MCM9: variants seen among roughly 807,000 people sequenced by gnomAD.
MCM9 encodes minichromosome maintenance 9 homologous recombination repair factor.
Under a neutral mutation model 72.8 loss-of-function variants are expected in MCM9, and 55 were observed. That is an observed-to-expected ratio of 0.76 (90% CI 0.61 to 0.95). The LOEUF (loss-of-function observed/expected upper bound fraction) is 0.95, where lower values mean the gene tolerates loss of function less well. MCM9 is among the 40% of genes least tolerant of loss of function. MCM9 has a pLI of 0.00. For missense variants in MCM9, 1,279 were observed against 1,377.0 expected (o/e 0.93, Z 1.13); for synonymous variants, 480 against 503.4 (o/e 0.95, Z 0.62).
At chr6:118,925,753 C>T (rs1049346289) in intron 3 of MCM9, among the ~76,000 whole-genome samples, 5 of 152,238 alleles carry the variant, frequency 3.3e-5, no homozygotes, top group East Asian at 1.9e-4. Flanking sequence ...ACACACTTTT[C>T]GTTCATATCC....
At position 118,933,964 on chromosome 6, in the gene MCM9, C is replaced by CAAAAAAAAAAAAAAAAAAAAAAAAA; in HGVS notation, c.-150+926_-150+927insTTTTTTTTTTTTTTTTTTTTTTTTT. Among the ~76,000 whole-genome samples the CAAAAAAAAAAAAAAAAAAAAAAAAA allele has an allele frequency of 2.0e-5, 2 of 100,304 alleles. 1 individual carries two copies. The highest frequency in any genetic ancestry group is 4.0e-5 in the Non-Finnish European group (2 of 50,540). The allele number at this position is 100,304 out of a possible 152,430, so 65.8% of individuals were successfully genotyped here. A position where few individuals can be genotyped will look rare whatever the true frequency, so the allele number is the denominator to read the frequency against. On this transcript the variant is annotated intron_variant, in intron 1 of 13. Coordinates refer to ENST00000619706, the MANE Select transcript of MCM9 (RefSeq NM_017696.3). Reference sequence around the variant, plus strand: ...ATATCTCCACAATGTGGACTTTGCCCAAAAAAAAAAAAAAAAAAATCTGGA... The same window carrying CAAAAAAAAAAAAAAAAAAAAAAAAA: ...ATATCTCCACAATGTGGACTTTGCCCAAAAAAAAAAAAAAAAAAAAAAAAAAAAAAAAAAAAAAAAAAAATCTGGA...
intron 8 of MCM9, chr6:118,908,105 A>C (rs1273167386): frequency 3.3e-5 from 5 of 153,694 alleles, no homozygotes; most frequent in African/African-American, 1.2e-4. Context: ...TTTGAAATCA[A>C]CTATATGCTA....
Position 118,919,561 on chromosome 6 carries a change from T to C in MCM9, c.704-1800A>G, listed in dbSNP as rs959266043. ...TAATACCTTTAAAAGCCCTTCAATATATACGTGTTTTCTTTACTCAAATAA... is the reference window on the plus strand; with the variant it reads ...TAATACCTTTAAAAGCCCTTCAATACATACGTGTTTTCTTTACTCAAATAA... On this transcript the variant is annotated intron_variant, in intron 5 of 13. Coordinates refer to ENST00000619706, the MANE Select transcript of MCM9 (RefSeq NM_017696.3). 5 of 152,214 alleles carry C rather than the reference T, an allele frequency of 3.3e-5. No individual in the cohort carries two copies. The East Asian group carries it at 7.7e-4, about 23-fold the overall frequency. The allele number at this position is 152,214 out of a possible 1,614,324, so 9.4% of individuals were successfully genotyped here.
intron 8 of MCM9, chr6:118,910,617 T>G: frequency 1.0e-6 from 1 of 985,132 alleles, no homozygotes. Context: ...AGCATCTTTA[T>G]TTGTTGTTGG....
At chr6:118,871,259 C>T (rs1171029039) in intron 8 of MCM9, among the ~76,000 whole-genome samples, 1 of 152,154 alleles carries the variant, frequency 6.6e-6, no homozygotes, top group African/African-American at 2.4e-5. Flanking sequence ...TTCAACAATA[C>T]ACTGAAAGAA....
intron 8 of MCM9, among the ~76,000 whole-genome samples, chr6:118,904,403 G>A (rs773502527): frequency 2.0e-5 from 3 of 152,146 alleles, no homozygotes; most frequent in East Asian, 1.9e-4. Context: ...GCTCATCTAG[G>A]CCCAGGAATA....
chr6:118,820,249 G>A (rs1562397979), intron 13 of MCM9, among the ~76,000 whole-genome samples: 1 of 152,156 alleles, frequency 6.6e-6, no homozygotes, highest in Non-Finnish European at 1.5e-5. Context: ...TCTTTCTCCT[G>A]AGGGCGTTTA....
intron 8 of MCM9, among the ~76,000 whole-genome samples, chr6:118,871,118 T>C (rs548723959): frequency 3.2e-4 from 49 of 152,084 alleles, no homozygotes; most frequent in African/African-American, 1.1e-3. Context: ...ATCACACTAA[T>C]ACCAAAGCCA....
intron 9 of MCM9, among the ~76,000 whole-genome samples, chr6:118,837,066 C>T (rs138639505): frequency 0.71 from 107,636 of 152,018 alleles, 39,427 homozygotes; most frequent in South Asian, 0.8. Flanking sequence ...GATTCTGGTA[C>T]GTTGTGACTT....
chr6:118,911,029 T>G, intron 8 of MCM9: 1 of 984,448 alleles, frequency 1.0e-6, no homozygotes, highest in Non-Finnish European at 1.2e-6. Flanking sequence ...AAATACAAAA[T>G]AGCATCAAAC....
chr6:118,815,962 G>A lies in MCM9; in HGVS notation c.2294C>T (p.Pro765Leu). The change falls in exon 14 of 14, where the codon CCC (proline) becomes CTC (leucine). Residue 765 changes from proline to leucine, a missense_variant. Transcript: ENST00000619706. ...AGCCATATTTTCTCCAGATGTTTTGGGATGAGGAGACACAACAACAGTGTT... is the reference window on the plus strand; with the variant it reads ...AGCCATATTTTCTCCAGATGTTTTGAGATGAGGAGACACAACAACAGTGTT... ...PKNTVVVSPH[P>L]KTSGENMASK... is the part of the protein sequence containing the mutation. The A allele has an allele frequency of 6.4e-7, 1 of 1,550,438 alleles. No individual in the cohort carries two copies. The highest frequency in any genetic ancestry group is 1.2e-5 in the South Asian group (1 of 84,058).
At position 118,813,628 on chromosome 6, in the gene MCM9, T is replaced by A. The variant is rs1299467119; in HGVS notation, c.*1196A>T. On this transcript the variant is annotated 3_prime_UTR_variant, in exon 14 of 14. Coordinates refer to ENST00000619706, the MANE Select transcript of MCM9 (RefSeq NM_017696.3). The stretch of plus-strand genomic sequence containing the variant: ...AAAAGTCCCTCTGACAATTAAACAA[T>A]CAGTTTACAAATTCACACTTCAGAA... 1.3e-5 allele frequency: 2 copies of A among 152,320 alleles called. No individual in the cohort carries two copies. Among genetic ancestry groups the A allele is most frequent in the Non-Finnish European group, 1.5e-5 (1 of 68,028 alleles). The allele number at this position is 152,320 out of a possible 1,614,324, so 9.4% of individuals were successfully genotyped here.
Position 118,814,638 on chromosome 6 carries a change from C to G in MCM9, c.*186G>C. The stretch of plus-strand genomic sequence containing the variant: ...GCTGCTGGTATCACACTGACCTCAA[C>G]TGATTATACAACTTTTTAAGTCATG... On this transcript the variant is annotated 3_prime_UTR_variant, in exon 14 of 14. Coordinates refer to ENST00000619706, the MANE Select transcript of MCM9 (RefSeq NM_017696.3). The G allele has an allele frequency of 1.9e-6, 1 of 518,564 alleles. No homozygotes were observed. Among genetic ancestry groups the G allele is most frequent in the Non-Finnish European group, 3.2e-6 (1 of 308,696 alleles). 32.1% of individuals were successfully genotyped at this position (518,564 alleles called of 1,614,324 possible).
chr6:118,884,487 G>C (rs572579391), intron 8 of MCM9, among the ~76,000 whole-genome samples: 2 of 151,168 alleles, frequency 1.3e-5, no homozygotes, highest in African/African-American at 4.9e-5. Flanking sequence ...TGATACAAAG[G>C]AAAGCAGTAA....
At chr6:118,868,389 GC>G (rs1777362201) in intron 8 of MCM9, among the ~76,000 whole-genome samples, 1 of 152,126 alleles carries the variant, frequency 6.6e-6, no homozygotes, top group Non-Finnish European at 1.5e-5. Context: ...AATACCAAAA[GC>G]AATGGCAACG....
At chr6:118,860,418 A>C (rs1258878411) in intron 8 of MCM9, among the ~76,000 whole-genome samples, 1 of 152,210 alleles carries the variant, frequency 6.6e-6, no homozygotes, top group African/African-American at 2.4e-5. Flanking sequence ...ACGTCAATTA[A>C]AACTTCCAAA....
chr6:118,833,827 G>A (rs142502793), intron 9 of MCM9, among the ~76,000 whole-genome samples: 1,570 of 152,246 alleles, frequency 0.01, 30 homozygotes, highest in African/African-American at 0.036. Context: ...GTTTCAGTTT[G>A]CAAGACGGAA....
In MCM9 at chr6:118,921,988, A is replaced by T. The variant is rs1781468879; in HGVS notation, c.703+17T>A. 1 of 1,599,390 alleles carries T rather than the reference A, an allele frequency of 6.3e-7. No individual in the cohort carries two copies. Reference sequence around the variant, plus strand: ...GGACTACCTACACAAGCTAAAAAAAAATTCCCCTCTTCTTACCAGATTTGC... The same window carrying T: ...GGACTACCTACACAAGCTAAAAAAATATTCCCCTCTTCTTACCAGATTTGC... On this transcript the variant is annotated intron_variant, in intron 5 of 13. Transcript: ENST00000619706.
At position 118,898,749 on chromosome 6, in the gene MCM9, A is replaced by G. The variant is rs912935253; in HGVS notation, c.1150+12901T>C. Among the ~76,000 whole-genome samples, 4 of 152,272 alleles carry G rather than the reference A, an allele frequency of 2.6e-5. No homozygotes were observed. The East Asian group carries it at 7.7e-4, about 29-fold the overall frequency. ...TGTGATAATTCTTAGTCTTATCCTC[A>G]CTTGGCTAGTTTAGTACCTTTCACA... On this transcript the variant is annotated intron_variant, in intron 8 of 13. Coordinates refer to ENST00000619706, the MANE Select transcript of MCM9 (RefSeq NM_017696.3).
Sources: allele counts gnomAD v4.1 joint callset (sites outside exome capture counted in the v4.1 genomes callset), GRCh38; gene constraint gnomAD v4.1.1; transcripts MANE v1.5; gene names NCBI Gene and HGNC (gene_info 2026-07-23, HGNC 2026-07-21).